ERC2: variants seen among roughly 807,000 people sequenced by gnomAD.
ERC2 encodes the protein ELKS/RAB6-interacting/CAST family member 2.
ERC2 carries 42 observed loss-of-function variants against 114.8 expected under a neutral mutation model. That is an observed-to-expected ratio of 0.37 (90% confidence interval 0.29 to 0.47). The LOEUF (loss-of-function observed/expected upper bound fraction) is 0.47, where lower values mean the gene tolerates loss of function less well. Ranked by LOEUF, ERC2 falls within the 20% of genes least tolerant of loss-of-function variation. The probability of loss-of-function intolerance (pLI) is 0.99; values close to 1 mark genes in which losing one functional copy is unlikely to be tolerated. For missense variants in ERC2, 939 were observed against 1,150.7 expected (o/e 0.82, Z 2.66); for synonymous variants, 454 against 425.5 (o/e 1.07, Z -0.82).
intron 3 of ERC2, among the ~76,000 whole-genome samples, chr3:56,193,768 T>C (rs1378143072): frequency 6.6e-6 from 1 of 152,164 alleles, no homozygotes. Context: ...GTTAAATCAC[T>C]TGCCCAAAGT....
chr3:56,051,701 C>A (rs1442382185), intron 7 of ERC2, among the ~76,000 whole-genome samples: 2 of 151,988 alleles, frequency 1.3e-5, no homozygotes, highest in Non-Finnish European at 2.9e-5. Context: ...TGGTGTGTGC[C>A]TGTAGTCCCA....
At chr3:55,814,083 GCATTAGTAC>G (rs1559698451) in intron 14 of ERC2, among the ~76,000 whole-genome samples, 2 of 152,160 alleles carry the variant, frequency 1.3e-5, no homozygotes, top group East Asian at 3.9e-4. Flanking sequence ...TTTTGCAAAT[GCATTAGTAC>G]CAGCAAATTG....
At chr3:56,192,342 G>C (rs2047842102) in intron 3 of ERC2, among the ~76,000 whole-genome samples, 1 of 152,136 alleles carries the variant, frequency 6.6e-6, no homozygotes, top group Non-Finnish European at 1.5e-5. Context: ...TTGTAACAGG[G>C]CCTAGCACAT....
intron 17 of ERC2, among the ~76,000 whole-genome samples, chr3:55,518,840 G>A (rs558527726): frequency 2.6e-5 from 4 of 152,306 alleles, no homozygotes; most frequent in East Asian, 1.9e-4. Flanking sequence ...AAACACAACC[G>A]ATAGAACAAA....
intron 2 of ERC2, among the ~76,000 whole-genome samples, chr3:56,414,504 C>A (rs565809790): frequency 2.0e-5 from 3 of 151,990 alleles, no homozygotes; most frequent in African/African-American, 7.3e-5. Flanking sequence ...AGGTGGATCA[C>A]GAGGTCAGGA....
intron 5 of ERC2, among the ~76,000 whole-genome samples, chr3:56,146,859 C>T (rs17235410): frequency 0.23 from 35,245 of 152,084 alleles, 4,855 homozygotes; most frequent in Admixed American, 0.31. Context: ...ATTCTTCTGA[C>T]CTGACCACTT....
At chr3:56,192,774 A>G (rs115585692) in intron 3 of ERC2, among the ~76,000 whole-genome samples, 2,183 of 152,262 alleles carry the variant, frequency 0.014, 55 homozygotes, top group African/African-American at 0.049. Flanking sequence ...CTAAGCCTGA[A>G]GAAGGTGACC....
At chr3:56,396,586 A>G (rs568649289) in intron 2 of ERC2, among the ~76,000 whole-genome samples, 2 of 152,336 alleles carry the variant, frequency 1.3e-5, no homozygotes, top group East Asian at 3.9e-4. Context: ...CATAGGAAAA[A>G]TACCAAGGAA....
intron 14 of ERC2, among the ~76,000 whole-genome samples, chr3:55,740,043 T>C (rs78340546): frequency 0.015 from 2,345 of 152,000 alleles, 38 homozygotes; most frequent in East Asian, 0.04. Context: ...TTTTTGTGTA[T>C]GATTCTAAAA....
At chr3:55,747,761 C>CACA (rs1218622538) in intron 14 of ERC2, among the ~76,000 whole-genome samples, 50 of 152,320 alleles carry the variant, frequency 3.3e-4, no homozygotes, top group African/African-American at 1.2e-3. Flanking sequence ...ACTCAATGAC[C>CACA]ACAAATTAAT....
At chr3:56,163,090 A>T (rs937764637) in intron 4 of ERC2, among the ~76,000 whole-genome samples, 5 of 151,998 alleles carry the variant, frequency 3.3e-5, no homozygotes, top group Non-Finnish European at 7.4e-5. Context: ...AGTTCAAATA[A>T]TTTTTATAGT....
At chr3:56,401,804 C>T (rs2106959400) in intron 2 of ERC2, among the ~76,000 whole-genome samples, 1 of 152,266 alleles carries the variant, frequency 6.6e-6, no homozygotes, top group Non-Finnish European at 1.5e-5. Flanking sequence ...ACAGCAGCAG[C>T]AGAAGCAGGG....
intron 3 of ERC2, among the ~76,000 whole-genome samples, chr3:56,204,685 TAG>T (rs2048609653): frequency 6.6e-6 from 1 of 151,710 alleles, no homozygotes; most frequent in African/African-American, 2.4e-5. Context: ...GTATGTTTAA[TAG>T]AGATAGGGTT....
At chr3:55,922,902 G>C (rs2065511490) in intron 13 of ERC2, among the ~76,000 whole-genome samples, 1 of 152,056 alleles carries the variant, frequency 6.6e-6, no homozygotes, top group Non-Finnish European at 1.5e-5. Context: ...TGAGGATGTG[G>C]GGGAATTGGA....
intron 17 of ERC2, among the ~76,000 whole-genome samples, chr3:55,619,784 G>A (rs17055518): frequency 0.26 from 39,086 of 151,952 alleles, 5,489 homozygotes; most frequent in East Asian, 0.64. Context: ...TAAACACATC[G>A]GATTTGGATA....
chr3:55,753,507 C>T (rs1324838387), intron 14 of ERC2, among the ~76,000 whole-genome samples: 1 of 152,142 alleles, frequency 6.6e-6, no homozygotes, highest in African/African-American at 2.4e-5. Flanking sequence ...AAGCTGTGGC[C>T]CCCTGGGACC....
At chr3:55,621,775 T>C (rs564551791) in intron 17 of ERC2, among the ~76,000 whole-genome samples, 88 of 152,018 alleles carry the variant, frequency 5.8e-4, no homozygotes, top group African/African-American at 2.1e-3. Context: ...CTAGGCCAAT[T>C]GGGGGAGAAA....
intron 2 of ERC2, among the ~76,000 whole-genome samples, chr3:56,396,574 T>C (rs915013442): frequency 2.6e-5 from 4 of 152,226 alleles, no homozygotes; most frequent in African/African-American, 9.6e-5. Context: ...TGTTAATACA[T>C]TCATAGGAAA....
chr3:55,632,809 G>C (rs906502638), intron 17 of ERC2, among the ~76,000 whole-genome samples: 14 of 152,212 alleles, frequency 9.2e-5, no homozygotes, highest in Admixed American at 9.2e-4. Flanking sequence ...GAAAGGAAGA[G>C]AAGATAGAAG....
Sources: allele counts gnomAD v4.1 joint callset (sites outside exome capture counted in the v4.1 genomes callset), GRCh38; gene constraint gnomAD v4.1.1; transcripts MANE v1.5; gene names NCBI Gene and HGNC (gene_info 2026-07-23, HGNC 2026-07-21).